CNTNAP3B: variants seen among roughly 807,000 people sequenced by gnomAD.
The protein encoded by CNTNAP3B is contactin-associated protein-like 3B.
Under a neutral mutation model 108.9 loss-of-function variants are expected in CNTNAP3B, and 25 were observed. That is an observed-to-expected ratio of 0.23 (90% CI 0.17 to 0.32). The LOEUF is 0.32. Among genes scored for constraint, CNTNAP3B ranks in the 10% least tolerant of loss-of-function variants. The probability of loss-of-function intolerance (pLI) is 1.00; values close to 1 mark genes in which losing one functional copy is unlikely to be tolerated. For missense variants in CNTNAP3B, 252 were observed against 1,210.4 expected (o/e 0.21, Z 11.75); for synonymous variants, 103 against 473.4 (o/e 0.22, Z 10.16).
intron 18 of CNTNAP3B, among the ~76,000 whole-genome samples, chr9:41,916,517 A>G (rs1170018308): frequency 6.6e-6 from 1 of 152,178 alleles, no homozygotes; most frequent in Non-Finnish European, 1.5e-5. Flanking sequence ...GCAGGCTAAT[A>G]GCAGTGAATT....
chr9:41,917,070 G>T (rs932957071), intron 18 of CNTNAP3B, among the ~76,000 whole-genome samples: 3 of 152,286 alleles, frequency 2.0e-5, no homozygotes, highest in Non-Finnish European at 2.9e-5. Flanking sequence ...TTAGATTAAT[G>T]ATTTTTATTA....
chr9:42,128,041 G>GA (rs1376983037), intron 1 of CNTNAP3B, among the ~76,000 whole-genome samples: 1 of 138,090 alleles, frequency 7.2e-6, no homozygotes, highest in Admixed American at 7.2e-5. Context: ...GCCACTGAAA[G>GA]AAAAATAAAA....
At chr9:41,950,613 T>G (rs1824645364) in intron 13 of CNTNAP3B, among the ~76,000 whole-genome samples, 1 of 147,868 alleles carries the variant, frequency 6.8e-6, no homozygotes, top group Non-Finnish European at 1.5e-5. Context: ...TTACACAGAG[T>G]GAAAAAAACT....
intron 2 of CNTNAP3B, among the ~76,000 whole-genome samples, chr9:42,097,207 T>C (rs1827919825): frequency 7.1e-6 from 1 of 140,252 alleles, no homozygotes; most frequent in South Asian, 2.3e-4. Flanking sequence ...CCCCGTTTTG[T>C]TTGAAAACTG....
At chr9:41,973,618 A>T (rs1825469866) in intron 9 of CNTNAP3B, among the ~76,000 whole-genome samples, 1 of 131,764 alleles carries the variant, frequency 7.6e-6, no homozygotes, top group South Asian at 2.6e-4. Context: ...GGCATTGAAT[A>T]GCAGAAAGAT....
At chr9:41,918,812 T>C (rs1314299405) in intron 18 of CNTNAP3B, among the ~76,000 whole-genome samples, 1 of 146,312 alleles carries the variant, frequency 6.8e-6, no homozygotes, top group Non-Finnish European at 1.5e-5. Flanking sequence ...TAAAAAGAGC[T>C]CTGTATTTGC....
chr9:42,120,524 G>A (rs540294906), intron 1 of CNTNAP3B, among the ~76,000 whole-genome samples: 5 of 138,000 alleles, frequency 3.6e-5, no homozygotes, highest in East Asian at 2.2e-4. Context: ...ACATGCACAC[G>A]TATGTTTATT....
At chr9:41,930,773 G>A (rs1588046466) in intron 14 of CNTNAP3B, among the ~76,000 whole-genome samples, 1 of 152,386 alleles carries the variant, frequency 6.6e-6, no homozygotes, top group East Asian at 1.9e-4. Context: ...AGGGGAACCT[G>A]GGGTCCTGGT....
At chr9:41,977,480 AAAC>A (rs1335196212) in intron 9 of CNTNAP3B, among the ~76,000 whole-genome samples, 1 of 141,472 alleles carries the variant, frequency 7.1e-6, no homozygotes, top group Non-Finnish European at 1.5e-5. Context: ...TGAGGAAAGA[AAAC>A]AATCAGAAAC....
At chr9:42,097,777 G>T (rs1427493868) in intron 2 of CNTNAP3B, among the ~76,000 whole-genome samples, 2 of 135,576 alleles carry the variant, frequency 1.5e-5, no homozygotes, top group African/African-American at 5.9e-5. Context: ...TGCTCTATGG[G>T]GTTAGTGTCT....
intron 1 of CNTNAP3B, among the ~76,000 whole-genome samples, chr9:42,124,089 A>T (rs1311701023): frequency 7.2e-6 from 1 of 138,476 alleles, no homozygotes; most frequent in Non-Finnish European, 1.5e-5. Flanking sequence ...AATAATTTTA[A>T]TTGCTGCCTA....
chr9:42,086,537 C>G (rs1827709630), intron 2 of CNTNAP3B, among the ~76,000 whole-genome samples: 1 of 130,510 alleles, frequency 7.7e-6, no homozygotes, highest in Non-Finnish European at 1.6e-5. Context: ...CTCCACCTCC[C>G]AGGTTCAAGC....
At chr9:41,969,691 C>T (rs1825384985) in intron 10 of CNTNAP3B, among the ~76,000 whole-genome samples, 1 of 151,480 alleles carries the variant, frequency 6.6e-6, no homozygotes, top group Non-Finnish European at 1.5e-5. Flanking sequence ...GATCTCTGCT[C>T]ACTGCAAGCT....
At chr9:41,952,043 C>T (rs375183789) in intron 13 of CNTNAP3B, among the ~76,000 whole-genome samples, 17 of 152,258 alleles carry the variant, frequency 1.1e-4, no homozygotes, top group African/African-American at 3.6e-4. Flanking sequence ...CGTGCCACTG[C>T]ACTCCAGCCT....
chr9:41,955,757 G>T (rs149109697), intron 12 of CNTNAP3B, among the ~76,000 whole-genome samples: 2 of 152,270 alleles, frequency 1.3e-5, no homozygotes, highest in South Asian at 2.1e-4. Context: ...ACTGTAACAC[G>T]TTGATCCCTG....
At chr9:41,944,811 C>T (rs1824475472) in intron 13 of CNTNAP3B, among the ~76,000 whole-genome samples, 1 of 152,298 alleles carries the variant, frequency 6.6e-6, no homozygotes, top group African/African-American at 2.4e-5. Context: ...GCAAAAGAAA[C>T]TACCATCAGA....
At chr9:42,054,243 G>A (rs1390921262) in intron 3 of CNTNAP3B, among the ~76,000 whole-genome samples, 2 of 77,752 alleles carry the variant, frequency 2.6e-5, no homozygotes, top group African/African-American at 9.7e-5. Context: ...TAAAAATGAG[G>A]AGAACTTAGA....
At chr9:41,950,617 A>C (rs1394778477) in intron 13 of CNTNAP3B, among the ~76,000 whole-genome samples, 3 of 149,318 alleles carry the variant, frequency 2.0e-5, no homozygotes, top group Non-Finnish European at 4.4e-5. Flanking sequence ...ACAGAGTGAA[A>C]AAAACTCAAC....
At position 41,953,363 on chromosome 9, in the gene CNTNAP3B, G is replaced by T. The variant is rs1442426076; in HGVS notation, c.1900C>A (p.Arg634=). The T allele has an allele frequency of 1.3e-6, 2 of 1,551,184 alleles. No homozygotes were observed. Among genetic ancestry groups the T allele is most frequent in the South Asian group, 2.3e-5 (2 of 85,126 alleles). Residue 634 remains arginine, a synonymous_variant, in exon 13 of 24, where the codon CGG becomes AGG. Transcript: ENST00000377561. The part of the protein sequence containing the change: ...MTADSAWTVV[R]HGGPDAVTLR... Reference sequence around the variant, plus strand: ...GTCACCGCGTCGGGGCCACCGTGCCGCACCACCGTCCACGCGGAGTCTGCT... The same window carrying T: ...GTCACCGCGTCGGGGCCACCGTGCCTCACCACCGTCCACGCGGAGTCTGCT...
Sources: allele counts gnomAD v4.1 joint callset (sites outside exome capture counted in the v4.1 genomes callset), GRCh38; gene constraint gnomAD v4.1.1; transcripts MANE v1.5; gene names NCBI Gene and HGNC (gene_info 2026-07-23, HGNC 2026-07-21).